The following WWP2 variants were observed in gnomAD, a reference collection of about 807,000 sequenced individuals.
WWP2 encodes WW domain containing E3 ubiquitin protein ligase 2.
Under a neutral mutation model 121.0 loss-of-function variants are expected in WWP2, and 57 were observed. That is an observed-to-expected ratio of 0.47 (90% CI 0.38 to 0.59). WWP2 has a LOEUF of 0.59. WWP2 is among the 20% of genes least tolerant of loss of function. The pLI is 0.00. For synonymous variants in WWP2, 449 were observed against 441.3 expected (o/e 1.02, Z -0.22); for missense variants, 962 against 1,158.9 (o/e 0.83, Z 2.47).
chr16:69,926,058 A>G (rs1368520364), intron 11 of WWP2: 1 of 152,214 alleles, frequency 6.6e-6, no homozygotes, highest in East Asian at 1.9e-4. Context: ...GCTGCTAGTT[A>G]TTATCGCCGT....
chr16:69,828,505 C>T (rs1476060374), intron 4 of WWP2, among the ~76,000 whole-genome samples: 7 of 152,026 alleles, frequency 4.6e-5, no homozygotes, highest in African/African-American at 9.7e-5. Flanking sequence ...TAGCTGGGAT[C>T]ACAGGCATGC....
intron 4 of WWP2, among the ~76,000 whole-genome samples, chr16:69,832,181 A>G (rs559563010): frequency 6.6e-6 from 1 of 152,188 alleles, no homozygotes; most frequent in African/African-American, 2.4e-5. Context: ...GATAGTGGCC[A>G]GTTACTAGAA....
At chr16:69,805,445 G>A (rs2056255379) in intron 4 of WWP2, among the ~76,000 whole-genome samples, 1 of 152,178 alleles carries the variant, frequency 6.6e-6, no homozygotes, top group Admixed American at 6.6e-5. Context: ...TTCTGTTTTA[G>A]TGGTGATAGA....
chr16:69,779,938 A>G (rs2055628028), intron 1 of WWP2, among the ~76,000 whole-genome samples: 1 of 152,228 alleles, frequency 6.6e-6, no homozygotes, highest in South Asian at 2.1e-4. Flanking sequence ...AGAGATGAAG[A>G]TAACAAACAG....
At chr16:69,767,697 C>T (rs1179579824) in intron 1 of WWP2, among the ~76,000 whole-genome samples, 1 of 152,182 alleles carries the variant, frequency 6.6e-6, no homozygotes, top group Non-Finnish European at 1.5e-5. Context: ...GGGATTGATG[C>T]ATCTGAGGGC....
At chr16:69,889,042 G>A (rs1007909480) in intron 8 of WWP2, among the ~76,000 whole-genome samples, 2 of 152,190 alleles carry the variant, frequency 1.3e-5, no homozygotes, top group Non-Finnish European at 2.9e-5. Flanking sequence ...ATGGCGTGGT[G>A]GCTCACGTGC....
At chr16:69,763,742 G>A (rs984286749) in intron 1 of WWP2, among the ~76,000 whole-genome samples, 51 of 152,148 alleles carry the variant, frequency 3.4e-4, no homozygotes, top group Admixed American at 2.0e-3. Flanking sequence ...TCAAGGGCAG[G>A]TTTCATATTT....
At chr16:69,764,470 G>A (rs1384971978) in intron 1 of WWP2, among the ~76,000 whole-genome samples, 2 of 152,162 alleles carry the variant, frequency 1.3e-5, no homozygotes, top group Non-Finnish European at 2.9e-5. Flanking sequence ...TGCAATTACA[G>A]GTGTAAGTCA....
intron 4 of WWP2, among the ~76,000 whole-genome samples, chr16:69,833,734 T>G (rs574911239): frequency 3.7e-4 from 57 of 152,396 alleles, no homozygotes; most frequent in African/African-American, 1.3e-3. Flanking sequence ...TCTTGCCAGC[T>G]GAATATTTTC....
intron 6 of WWP2, among the ~76,000 whole-genome samples, chr16:69,848,044 C>G (rs1212879565): frequency 6.6e-6 from 1 of 152,164 alleles, no homozygotes; most frequent in Non-Finnish European, 1.5e-5. Flanking sequence ...CATAGTCATA[C>G]AGGGAAATGG....
intron 1 of WWP2, among the ~76,000 whole-genome samples, chr16:69,785,314 A>C (rs1433242507): frequency 1.3e-5 from 2 of 152,190 alleles, no homozygotes; most frequent in African/African-American, 4.8e-5. Context: ...TTTAAGTGAA[A>C]GGTTTTAAGG....
In WWP2 at chr16:69,917,830, C is replaced by T. The variant is rs758807244; in HGVS notation, c.1126C>T (p.Arg376Trp). The T allele has an allele frequency of 2.5e-6, 4 of 1,613,848 alleles. No homozygotes were observed. Among genetic ancestry groups the T allele is most frequent in the South Asian group, 1.1e-5 (1 of 91,086 alleles). Residue 376 changes from arginine (R) to tryptophan (W), a missense_variant, in exon 10 of 24, where the codon CGG (arginine) becomes TGG (tryptophan). Physicochemically the swap from Arg to Trp is moderately radical, Grantham distance 101. Coordinates refer to ENST00000359154, the MANE Select transcript of WWP2 (RefSeq NM_001270454.2). ...VRNYEQWQSQ[R>W]NQLQGAMQHF... ...CAACTATGAGCAGTGGCAGTCGCAG[C>T]GGAATCAGCTCCAGGGGGCCATGCA...
At chr16:69,835,298 T>G (rs905943258) in intron 4 of WWP2, among the ~76,000 whole-genome samples, 1 of 152,198 alleles carries the variant, frequency 6.6e-6, no homozygotes, top group Non-Finnish European at 1.5e-5. Flanking sequence ...CCAGCCACAC[T>G]TACGCCTTTC....
At chr16:69,913,262 A>T (rs1373522920) in intron 9 of WWP2, among the ~76,000 whole-genome samples, 2 of 150,890 alleles carry the variant, frequency 1.3e-5, no homozygotes, top group Admixed American at 6.6e-5. Flanking sequence ...CGAACTCCTG[A>T]CATCAGGTGA....
chr16:69,777,136 TATACACATATGTGTATATACA>T (rs1476435905), intron 1 of WWP2, among the ~76,000 whole-genome samples: 7 of 151,626 alleles, frequency 4.6e-5, no homozygotes. Context: ...TATGGATATA[TATACACATATGTGTATATACA>T]ATACACATAT....
chr16:69,780,271 C>T (rs2055636702), intron 1 of WWP2, among the ~76,000 whole-genome samples: 5 of 150,092 alleles, frequency 3.3e-5, no homozygotes, highest in African/African-American at 4.9e-5. Flanking sequence ...TTTTTTTTTC[C>T]CCTCTTGGCA....
intron 8 of WWP2, among the ~76,000 whole-genome samples, chr16:69,895,850 T>G (rs1225569769): frequency 2.6e-5 from 4 of 152,208 alleles, no homozygotes; most frequent in Non-Finnish European, 5.9e-5. Context: ...GGACCATTCT[T>G]TGAGTAGCAT....
At chr16:69,796,424 C>T (rs952042840) in intron 2 of WWP2, among the ~76,000 whole-genome samples, 1 of 152,176 alleles carries the variant, frequency 6.6e-6, no homozygotes, top group African/African-American at 2.4e-5. Flanking sequence ...CGCAGCTAGG[C>T]AAGATCATCT....
intron 1 of WWP2, among the ~76,000 whole-genome samples, chr16:69,765,596 G>T (rs2038710664): frequency 6.6e-6 from 1 of 152,184 alleles, no homozygotes; most frequent in South Asian, 2.1e-4. Flanking sequence ...GGCTGAGACG[G>T]GCGGATCACT....
Sources: allele counts gnomAD v4.1 joint callset (sites outside exome capture counted in the v4.1 genomes callset), GRCh38; gene constraint gnomAD v4.1.1; transcripts MANE v1.5; gene names NCBI Gene and HGNC (gene_info 2026-07-23, HGNC 2026-07-21).